Variants in SYNC observed in about 807,000 individuals in gnomAD.
SYNC encodes syncoilin, intermediate filament protein, also known as syncoilin.
In SYNC, 38 loss-of-function variants were observed where a neutral mutation model predicts 49.5. The ratio of observed to expected loss-of-function variants is 0.77; its 90% confidence interval spans 0.59 to 1.01. The LOEUF is 1.01. Among genes scored for constraint, SYNC ranks in the 50% least tolerant of loss-of-function variants. SYNC has a pLI of 0.00. For synonymous variants in SYNC, 201 were observed against 230.8 expected (o/e 0.87, Z 1.17); for missense variants, 579 against 580.6 (o/e 1.00, Z 0.03).
chr1:32,679,982 A>G lies in SYNC; in HGVS notation c.*1868T>C, dbSNP rs1026783657. 35 of 1,196,212 alleles carry G rather than the reference A, an allele frequency of 2.9e-5. No individual in the cohort carries two copies. The African/African-American group carries it at 3.2e-4, about 11-fold the overall frequency. The allele number at this position is 1,196,212 out of a possible 1,614,324, so 74.1% of individuals were successfully genotyped here. On this transcript the variant is annotated 3_prime_UTR_variant, in exon 5 of 5. Coordinates refer to ENST00000409190, the MANE Select transcript of SYNC (RefSeq NM_030786.3). ...AGAAAGGGGAATATTATGTGTGATT[A>G]TTTTTCTTCTTATGCTATATCCCCA...
intron 2 of SYNC, chr1:32,685,015 TTTC>T (rs34609133): frequency 2.6e-5 from 4 of 152,026 alleles, no homozygotes; most frequent in African/African-American, 7.3e-5. Context: ...TGCATCCTTT[TTTC>T]TTCTTTATTT....
Position 32,702,476 on chromosome 1 carries a change from T to C in SYNC, c.53+132A>G. ...CCCCGATGTCCCCTCACGAGGCGGC[T>C]CCAGTGCCCCACCCCGGCTGGACCA... On this transcript the variant is annotated intron_variant, in intron 1 of 4. Coordinates refer to ENST00000409190, the MANE Select transcript of SYNC (RefSeq NM_030786.3). This position sits in a 1 kb window ranked among gnomAD's most constrained non-coding sequence, Gnocchi z 6.2. 1 of 875,568 alleles carries C rather than the reference T, an allele frequency of 1.1e-6. No individual in the cohort carries two copies. Among genetic ancestry groups the C allele is most frequent in the Non-Finnish European group, 1.5e-6 (1 of 684,238 alleles). The allele number at this position is 875,568 out of a possible 1,614,324, so 54.2% of individuals were successfully genotyped here. A position where few individuals can be genotyped will look rare whatever the true frequency, so the allele number is the denominator to read the frequency against.
In SYNC at chr1:32,681,581, A is replaced by C. The variant is rs569539444; in HGVS notation, c.*269T>G. The C allele has an allele frequency of 3.5e-6, 2 of 569,922 alleles. No homozygotes were observed. The highest frequency in any genetic ancestry group is 5.9e-5 in the East Asian group (2 of 34,146). The allele number at this position is 569,922 out of a possible 1,614,324, so 35.3% of individuals were successfully genotyped here. ...GTGAGGGTTGTTGCTGGAAGACAGG[A>C]GGCTCATCTTTCCTTTCCTTGGTGC... On this transcript the variant is annotated 3_prime_UTR_variant, in exon 5 of 5. Coordinates refer to ENST00000409190, the MANE Select transcript of SYNC (RefSeq NM_030786.3).
At chr1:32,687,455 G>A (rs552814816) in intron 2 of SYNC, among the ~76,000 whole-genome samples, 2 of 151,374 alleles carry the variant, frequency 1.3e-5, no homozygotes, top group South Asian at 2.1e-4. Flanking sequence ...GGTGGATCAC[G>A]AGGTCAAGAG....
intron 2 of SYNC, chr1:32,685,507 A>G (rs1649760927): frequency 6.6e-6 from 1 of 152,200 alleles, no homozygotes; most frequent in African/African-American, 2.4e-5. Context: ...ACATGCTATT[A>G]TTAGAAGGAT....
At chr1:32,697,545 G>T (rs1474808396) in intron 1 of SYNC, among the ~76,000 whole-genome samples, 1 of 151,326 alleles carries the variant, frequency 6.6e-6, no homozygotes, top group African/African-American at 2.4e-5. Context: ...GGCCAGCGTG[G>T]GCAACATGGC....
chr1:32,695,937 T>C lies in SYNC; in HGVS notation c.161A>G (p.Asn54Ser), dbSNP rs1557877148. 1 of 1,550,486 alleles carries C rather than the reference T, an allele frequency of 6.4e-7. No individual in the cohort carries two copies. Among genetic ancestry groups the C allele is most frequent in the Non-Finnish European group, 8.7e-7 (1 of 1,147,028 alleles). ...EVTLSSEGSL[N>S]LEDILYLEDT... is the part of the protein sequence containing the mutation. ...CTCCAGGTAGAGAATGTCTTCGAGG[T>C]TTAAGGACCCCTCTGAAGATAGAGT... The change falls in exon 2 of 5, where the codon AAC becomes AGC. Residue 54 changes from asparagine (N) to serine (S), a missense_variant. Transcript: ENST00000409190.
At position 32,684,286 on chromosome 1, in the gene SYNC, T is replaced by A; in HGVS notation, c.1330A>T (p.Ser444Cys). The A allele has an allele frequency of 2.5e-6, 4 of 1,614,230 alleles. No individual in the cohort carries two copies. In the South Asian group the frequency reaches 3.3e-5, roughly 13 times the overall value. ...TAAGTAGAGAGCTCTTCAGCAAGAC[T>A]GAGCCTTAGCTGTTCCATCTCTTTG... Reference protein sequence around the residue: ...KNKEMEQLRLSLAEELSTYKA... With the variant: ...KNKEMEQLRLCLAEELSTYKA... Residue 444 changes from serine to cysteine, a missense_variant, in exon 3 of 5, where the codon AGT (serine) becomes TGT (cysteine). By Grantham distance (112) the Ser-to-Cys change is moderately radical (BLOSUM62 -1). Transcript: ENST00000409190.
chr1:32,687,213 T>C lies in SYNC; in HGVS notation c.1234-2831A>G, dbSNP rs1557871117. On this transcript the variant is annotated intron_variant, in intron 2 of 4. Transcript: ENST00000409190. ...AGCCTCTACTAAAAATACAAAAAAT[T>C]AGCCGGGCGTGGTGGCAGGTGCCTG... is the stretch of plus-strand genomic sequence containing the variant. Among the ~76,000 whole-genome samples the C allele has an allele frequency of 6.6e-5, 10 of 151,702 alleles. 1 individual carries two copies. In the South Asian group the frequency reaches 2.1e-3, roughly 32 times the overall value.
At chr1:32,698,783 C>CTT (rs113450268) in intron 1 of SYNC, among the ~76,000 whole-genome samples, 29 of 140,454 alleles carry the variant, frequency 2.1e-4, no homozygotes, top group African/African-American at 7.0e-4. Flanking sequence ...TTGTTTTTGT[C>CTT]TTTTTTTTTT....
chr1:32,684,462 T>G (rs2148544516), intron 2 of SYNC, 80 bp from the exon 3 acceptor site: 1 of 1,590,688 alleles, frequency 6.3e-7, no homozygotes, highest in South Asian at 1.1e-5. Context: ...ATAAAACACT[T>G]TTTTGTTCAT....
intron 2 of SYNC, chr1:32,685,544 C>G (rs1649763866): frequency 6.6e-6 from 1 of 152,222 alleles, no homozygotes; most frequent in Non-Finnish European, 1.5e-5. Context: ...CTGAGTCATA[C>G]TTGACATTGT....
At chr1:32,689,753 C>T (rs1650068065) in intron 2 of SYNC, among the ~76,000 whole-genome samples, 1 of 151,662 alleles carries the variant, frequency 6.6e-6, no homozygotes, top group African/African-American at 2.4e-5. Context: ...CCATCCTGGC[C>T]AACGTGGTGA....
At chr1:32,694,777 C>CT in intron 2 of SYNC, 88 bp downstream of exon 2, 1 of 1,328,024 alleles carries the variant, frequency 7.5e-7, no homozygotes, top group Non-Finnish European at 1.0e-6. Context: ...ACATGTGACA[C>CT]TATCTTTCAG....
At chr1:32,690,031 C>T (rs763974236) in intron 2 of SYNC, among the ~76,000 whole-genome samples, 3 of 151,796 alleles carry the variant, frequency 2.0e-5, no homozygotes, top group Middle Eastern at 6.9e-3. Flanking sequence ...GGACCTCAGA[C>T]CTTGCTTCCT....
intron 1 of SYNC, among the ~76,000 whole-genome samples, chr1:32,700,918 A>T (rs547155324): frequency 2.8e-4 from 42 of 150,620 alleles, no homozygotes; most frequent in Non-Finnish European, 5.3e-4. Context: ...GTCACAATAT[A>T]CTTTTTTTTT....
chr1:32,689,487 G>A (rs573389138), intron 2 of SYNC, among the ~76,000 whole-genome samples: 76 of 151,568 alleles, frequency 5.0e-4, no homozygotes, highest in Admixed American at 2.8e-3. Flanking sequence ...GATCCACTGC[G>A]CCCGGCCACA....
chr1:32,696,755 A>G (rs1298303224), intron 1 of SYNC, among the ~76,000 whole-genome samples: 1 of 150,022 alleles, frequency 6.7e-6, no homozygotes, highest in Non-Finnish European at 1.5e-5. Context: ...GCCCAGTTCT[A>G]ATAAAATTAT....
chr1:32,695,578 A>G lies in SYNC; in HGVS notation c.520T>C (p.Leu174=). 6.4e-7 allele frequency: 1 copy of G among 1,551,298 alleles called. No homozygotes were observed. Among genetic ancestry groups the G allele is most frequent in the Non-Finnish European group, 8.7e-7 (1 of 1,146,902 alleles). The change falls in exon 2 of 5, where the codon TTG becomes CTG. Residue 174 remains leucine (L), a synonymous_variant. Transcript: ENST00000409190. ...CACTGCTGGAAACGCCCCTCTAGCA[A>G]TTCCAGGTCCTCTATGCTCAGGTTC... is the stretch of plus-strand genomic sequence containing the variant. ...EENLSIEDLE[L]LEGRFQQCVQ...
Sources: allele counts gnomAD v4.1 joint callset (sites outside exome capture counted in the v4.1 genomes callset), GRCh38; gene constraint gnomAD v4.1.1; non-coding constraint Gnocchi (gnomAD v3.1); transcripts MANE v1.5; gene names NCBI Gene and HGNC (gene_info 2026-07-23, HGNC 2026-07-21).